The following VPS35 variants were observed in gnomAD, a reference collection of about 807,000 sequenced individuals.
VPS35 encodes the protein VPS35 retromer complex component, also known as vacuolar protein sorting-associated protein 35.
VPS35 carries 21 observed loss-of-function variants against 98.1 expected under a neutral mutation model. That is an observed-to-expected ratio of 0.21 (90% CI 0.15 to 0.31). The LOEUF is 0.31. Ranked by LOEUF, VPS35 falls within the 10% of genes least tolerant of loss-of-function variation. The pLI, the probability that VPS35 is intolerant of heterozygous loss-of-function variation, is 1.00. For synonymous variants in VPS35, 268 were observed against 318.2 expected, an observed-to-expected ratio of 0.84 and a Z score of 1.68; for missense variants, 554 against 950.8, an observed-to-expected ratio of 0.58 and a Z score of 5.49.
intron 8 of VPS35, chr16:46,676,357 T>C: frequency 2.0e-6 from 1 of 493,530 alleles, no homozygotes; most frequent in Non-Finnish European, 3.6e-6. Flanking sequence ...AGAATAAAGA[T>C]ATTCATTATC....
At position 46,661,142 on chromosome 16, in the gene VPS35, C is replaced by CA. The variant is rs1190902197; in HGVS notation, c.2212-492dup. Among the ~76,000 whole-genome samples the CA allele has an allele frequency of 1.3e-5, 2 of 151,726 alleles. No individual in the cohort carries two copies. The highest frequency in any genetic ancestry group is 2.4e-5 in the African/African-American group (1 of 41,286). On this transcript the variant is annotated intron_variant, in intron 16 of 16. Transcript: ENST00000299138. The surrounding 1 kb of genome is among the most constrained non-coding windows in gnomAD (Gnocchi z 4.3). ...CCTGGGTGACAGAGCCAGACTCTGT[C>CA]AAAAAAAGAAAAACAAGCAAAATTT... is the stretch of plus-strand genomic sequence containing the variant.
chr16:46,683,634 C>A, intron 1 of VPS35, 28 bp from the exon 2 acceptor site: 2 of 1,538,642 alleles, frequency 1.3e-6, no homozygotes, highest in Non-Finnish European at 1.8e-6. Flanking sequence ...CCACTGATGT[C>A]TCAAGCACAT....
intron 13 of VPS35, among the ~76,000 whole-genome samples, chr16:46,664,315 C>T (rs1441182518): frequency 6.6e-6 from 1 of 151,974 alleles, no homozygotes; most frequent in African/African-American, 2.4e-5. Context: ...CGCCACCACG[C>T]CCTGCTATTT....
At position 46,661,675 on chromosome 16, in the gene VPS35, G is replaced by T. The variant is rs1382473831; in HGVS notation, c.2211+43C>A. 1 of 1,552,342 alleles carries T rather than the reference G, an allele frequency of 6.4e-7. No homozygotes were observed. Among genetic ancestry groups the T allele is most frequent in the Admixed American group, 1.7e-5 (1 of 59,618 alleles). ...TATCAAATCTCCTAAGAGTAGGAAG[G>T]GAAAATATTAGTTTATTAACAACAC... On this transcript the variant is annotated intron_variant, in intron 16 of 16. Transcript: ENST00000299138. This position sits in a 1 kb window ranked among gnomAD's most constrained non-coding sequence, Gnocchi z 4.3.
At chr16:46,663,697 T>C (rs1016094219) in intron 13 of VPS35, among the ~76,000 whole-genome samples, 8 of 149,544 alleles carry the variant, frequency 5.3e-5, no homozygotes, top group African/African-American at 2.0e-4. Flanking sequence ...GCACTCAACC[T>C]GTTTTTTCTT....
Position 46,672,300 on chromosome 16 carries a change from G to T in VPS35, c.1333C>A (p.Leu445Met), listed in dbSNP as rs749503515. The stretch of plus-strand genomic sequence containing the variant: ...GAGACAATTTCTGTGTTATAATCCA[G>T]AACATTACTAAGCACATAACAACTC... ...SMSCYVLSNV[L>M]DYNTEIVSQD... Residue 445 changes from leucine (L) to methionine (M), a missense_variant, in exon 11 of 17, where the codon CTG becomes ATG. Coordinates refer to ENST00000299138, the MANE Select transcript of VPS35 (RefSeq NM_018206.6). The T allele has an allele frequency of 6.2e-7, 1 of 1,613,706 alleles. No homozygotes were observed. The highest frequency in any genetic ancestry group is 1.7e-5 in the Admixed American group (1 of 59,982).
intron 14 of VPS35, 52 bp from the exon 15 acceptor site, chr16:46,662,534 G>T (rs1364330075): frequency 6.2e-7 from 1 of 1,606,088 alleles, no homozygotes; most frequent in East Asian, 2.2e-5. Context: ...TCCTCTAGTT[G>T]AGCATTTTCC....
chr16:46,689,163 C>T lies in VPS35; in HGVS notation c.-30G>A, dbSNP rs746704070. 5 of 1,604,562 alleles carry T rather than the reference C, an allele frequency of 3.1e-6. No individual in the cohort carries two copies. The East Asian group carries it at 9.0e-5, about 29-fold the overall frequency. On this transcript the variant is annotated 5_prime_UTR_variant, in exon 1 of 17. Coordinates refer to ENST00000299138, the MANE Select transcript of VPS35 (RefSeq NM_018206.6). ...ACTCCCCAGAGCCTGCAGCAAGCAG[C>T]ACCCGCCCCGCGCGTAGCCTCCCGC...
Position 46,658,158 on chromosome 16 carries a change from G to A in VPS35, c.*2314C>T, listed in dbSNP as rs1303612819. 6.5e-6 allele frequency: 1 copy of A among 152,790 alleles called. No homozygotes were observed. The highest frequency in any genetic ancestry group is 6.5e-5 in the Admixed American group (1 of 15,290). 9.5% of individuals were successfully genotyped at this position (152,790 alleles called of 1,614,324 possible). A position where few individuals can be genotyped will look rare whatever the true frequency, so the allele number is the denominator to read the frequency against. ...TGGGTCTGAGGAGCCTGGGACTGCA[G>A]GCCAAAGCACTGGCCTCAGAAGGCT... On this transcript the variant is annotated 3_prime_UTR_variant, in exon 17 of 17. Transcript: ENST00000299138.
In VPS35 at chr16:46,659,708, G is replaced by A. The variant is rs183646374; in HGVS notation, c.*764C>T. The A allele has an allele frequency of 1.7e-4, 25 of 145,886 alleles. No individual in the cohort carries two copies. The highest frequency in any genetic ancestry group is 5.9e-4 in the African/African-American group (24 of 40,826). The allele number at this position is 145,886 out of a possible 1,614,324, so 9.0% of individuals were successfully genotyped here. On this transcript the variant is annotated 3_prime_UTR_variant, in exon 17 of 17. Coordinates refer to ENST00000299138, the MANE Select transcript of VPS35 (RefSeq NM_018206.6). The stretch of plus-strand genomic sequence containing the variant: ...ATAGCATCTTTATTGTTTCACTGGT[G>A]CAAAAAAAAAAATCATAATTGTGAT...
chr16:46,685,609 A>G (rs1296968315), intron 1 of VPS35, among the ~76,000 whole-genome samples: 1 of 152,174 alleles, frequency 6.6e-6, no homozygotes, highest in Admixed American at 6.5e-5. Context: ...AACTATTACC[A>G]TAAAATGCTG....
At position 46,680,809 on chromosome 16, in the gene VPS35, G is replaced by A. The variant is rs1421508866; in HGVS notation, c.368C>T (p.Pro123Leu). The A allele has an allele frequency of 1.2e-6, 2 of 1,613,822 alleles. No homozygotes were observed. Among genetic ancestry groups the A allele is most frequent in the African/African-American group, 1.3e-5 (1 of 74,858 alleles). ...TVGVVYVKSF[P>L]QSRKDILKDL... ...TTTCAAAATATCCTTCCTGGACTGAGGAAATGACTTGACATATACAACTCC... is the reference window on the plus strand; with the variant it reads ...TTTCAAAATATCCTTCCTGGACTGAAGAAATGACTTGACATATACAACTCC... The change falls in exon 5 of 17, where the codon CCT (proline) becomes CTT (leucine). Residue 123 changes from proline to leucine, a missense_variant. Physicochemically the swap from Pro to Leu is moderately conservative, Grantham distance 98. Coordinates refer to ENST00000299138, the MANE Select transcript of VPS35 (RefSeq NM_018206.6).
chr16:46,676,772 G>T, intron 7 of VPS35, 80 bp from the exon 8 acceptor site: 1 of 1,042,298 alleles, frequency 9.6e-7, no homozygotes, highest in South Asian at 1.3e-5. Flanking sequence ...TCACATTTGT[G>T]GGAAAAAAAC....
chr16:46,658,856 G>A lies in VPS35; in HGVS notation c.*1616C>T, dbSNP rs371605094. 3 of 152,384 alleles carry A rather than the reference G, an allele frequency of 2.0e-5. No individual in the cohort carries two copies. The highest frequency in any genetic ancestry group is 4.1e-4 in the South Asian group (2 of 4,832). 9.4% of individuals were successfully genotyped at this position (152,384 alleles called of 1,614,324 possible). On this transcript the variant is annotated 3_prime_UTR_variant, in exon 17 of 17. Transcript: ENST00000299138. ...AGTGCTAGCAATGGGAGGGCAGATGGTGAGGGGTTAAGTGATGTAGTCATT... is the reference window on the plus strand; with the variant it reads ...AGTGCTAGCAATGGGAGGGCAGATGATGAGGGGTTAAGTGATGTAGTCATT...
intron 12 of VPS35, among the ~76,000 whole-genome samples, chr16:46,671,409 C>T (rs1195878719): frequency 6.6e-6 from 1 of 152,036 alleles, no homozygotes; most frequent in Non-Finnish European, 1.5e-5. Context: ...TTGTTACTCA[C>T]ATGCTCCAGA....
rs1363914593 is a variant in VPS35 at position 46,681,306 on chromosome 16, GATAATCAT to G, written c.323+63_323+70del. The G allele has an allele frequency of 1.0e-5, 16 of 1,599,516 alleles. No individual in the cohort carries two copies. The East Asian group carries it at 3.4e-4, about 34-fold the overall frequency. ...TACCCTTAAAACTTTTTCTTAAGCT[GATAATCAT>G]AAAAGACGTAACATATAGTGAGAAA... On this transcript the variant is annotated intron_variant, in intron 4 of 16. Coordinates refer to ENST00000299138, the MANE Select transcript of VPS35 (RefSeq NM_018206.6).
In VPS35 at chr16:46,672,247, A is replaced by G. The variant is rs760344479; in HGVS notation, c.1368+18T>C. ...TGTAACACTGTTTCCCTAAAATAGC[A>G]CGTAGGTATTCTCTTACCTGGTCTT... On this transcript the variant is annotated intron_variant, in intron 11 of 16. Coordinates refer to ENST00000299138, the MANE Select transcript of VPS35 (RefSeq NM_018206.6). 1.2e-6 allele frequency: 2 copies of G among 1,605,898 alleles called. No homozygotes were observed. Among genetic ancestry groups the G allele is most frequent in the South Asian group, 1.1e-5 (1 of 90,894 alleles).
rs1242634817 is a variant in VPS35, at chr16:46,657,580, C to T, written c.*2892G>A. The T allele has an allele frequency of 1.3e-5, 2 of 152,154 alleles. No homozygotes were observed. Among genetic ancestry groups the T allele is most frequent in the Non-Finnish European group, 2.9e-5 (2 of 68,046 alleles). 9.4% of individuals were successfully genotyped at this position (152,154 alleles called of 1,614,324 possible). The stretch of plus-strand genomic sequence containing the variant: ...CTCTGGTGCCTGATCAACTCAAACG[C>T]CTCTCTCTTTGAGCAGTGTCTATCA... On this transcript the variant is annotated 3_prime_UTR_variant, in exon 17 of 17. Coordinates refer to ENST00000299138, the MANE Select transcript of VPS35 (RefSeq NM_018206.6).
chr16:46,681,720 C>T, intron 3 of VPS35: 1 of 576,048 alleles, frequency 1.7e-6, no homozygotes, highest in East Asian at 3.1e-5. Flanking sequence ...CAATGGTTAC[C>T]TGTCAGACTG....
Sources: allele counts gnomAD v4.1 joint callset (sites outside exome capture counted in the v4.1 genomes callset), GRCh38; gene constraint gnomAD v4.1.1; non-coding constraint Gnocchi (gnomAD v3.1); transcripts MANE v1.5; gene names NCBI Gene and HGNC (gene_info 2026-07-23, HGNC 2026-07-21).